Variants in KCND2 observed in about 807,000 individuals in gnomAD.
KCND2 encodes the protein potassium voltage-gated channel subfamily D member 2, also known as A-type voltage-gated potassium channel KCND2.
A neutral mutation model predicts 54.4 loss-of-function variants in KCND2; 16 were observed. The observed-to-expected ratio is 0.29, with a 90% CI of 0.20 to 0.45. The LOEUF (loss-of-function observed/expected upper bound fraction) is 0.45, where lower values mean the gene tolerates loss of function less well. Ranked by LOEUF, KCND2 falls within the 20% of genes least tolerant of loss-of-function variation. The pLI, the probability that KCND2 is intolerant of heterozygous loss-of-function variation, is 1.00. For missense variants in KCND2, 486 were observed against 824.2 expected (o/e 0.59, Z 5.02); for synonymous variants, 317 against 310.7 (o/e 1.02, Z -0.21).
At chr7:120,705,514 C>CA (rs1308201484) in intron 1 of KCND2, among the ~76,000 whole-genome samples, 5 of 152,088 alleles carry the variant, frequency 3.3e-5, no homozygotes, top group Non-Finnish European at 7.4e-5. Context: ...TTCTCACTTG[C>CA]AAAATGTCGA....
At chr7:120,537,238 A>G (rs1791923446) in intron 1 of KCND2, among the ~76,000 whole-genome samples, 1 of 152,222 alleles carries the variant, frequency 6.6e-6, no homozygotes, top group African/African-American at 2.4e-5. Flanking sequence ...ACCATTGTCA[A>G]TAAGCAGTAA....
intron 1 of KCND2, among the ~76,000 whole-genome samples, chr7:120,477,007 T>C (rs1802543064): frequency 6.6e-6 from 1 of 152,190 alleles, no homozygotes; most frequent in South Asian, 2.1e-4. Flanking sequence ...AGTAGTTGGA[T>C]TGTTCTGCAA....
Position 120,750,104 on chromosome 7 carries a change from C to T in KCND2, c.*2246C>T, listed in dbSNP as rs886198632. 4 of 151,986 alleles carry T rather than the reference C, an allele frequency of 2.6e-5. No homozygotes were observed. Among genetic ancestry groups the T allele is most frequent in the Non-Finnish European group, 4.4e-5 (3 of 67,762 alleles). The allele number at this position is 151,986 out of a possible 1,614,324, so 9.4% of individuals were successfully genotyped here. ...TGTTTTAGGTGATTTAAAAATATAC[C>T]GTGTTGGTGGTGAATGACTATTGAT... On this transcript the variant is annotated 3_prime_UTR_variant, in exon 6 of 6. Coordinates refer to ENST00000331113, the MANE Select transcript of KCND2 (RefSeq NM_012281.3).
At chr7:120,330,862 C>T (rs1475721336) in intron 1 of KCND2, among the ~76,000 whole-genome samples, 1 of 151,920 alleles carries the variant, frequency 6.6e-6, no homozygotes, top group East Asian at 1.9e-4. Context: ...CTTTCAAGAC[C>T]TCAATAAGGA....
intron 1 of KCND2, among the ~76,000 whole-genome samples, chr7:120,428,725 T>C (rs991768840): frequency 1.3e-5 from 2 of 152,194 alleles, no homozygotes; most frequent in Non-Finnish European, 2.9e-5. Context: ...GCATAACATT[T>C]AGGTATTATT....
intron 1 of KCND2, among the ~76,000 whole-genome samples, chr7:120,629,976 G>A (rs1467858368): frequency 6.6e-6 from 1 of 152,172 alleles, no homozygotes; most frequent in African/African-American, 2.4e-5. Flanking sequence ...GGAGTTCAGG[G>A]AAGAAATTGA....
chr7:120,596,276 T>G (rs1016385314), intron 1 of KCND2, among the ~76,000 whole-genome samples: 2 of 152,198 alleles, frequency 1.3e-5, no homozygotes, highest in African/African-American at 4.8e-5. Context: ...GTTACTTATA[T>G]AGATAATTGT....
At chr7:120,585,191 T>A (rs934669322) in intron 1 of KCND2, among the ~76,000 whole-genome samples, 9 of 150,506 alleles carry the variant, frequency 6.0e-5, no homozygotes, top group Non-Finnish European at 8.9e-5. Context: ...TTTTTTTTTT[T>A]AAAGAAAATC....
chr7:120,555,149 C>T (rs1457628860), intron 1 of KCND2, among the ~76,000 whole-genome samples: 2 of 152,146 alleles, frequency 1.3e-5, no homozygotes, highest in Non-Finnish European at 2.9e-5. Context: ...CTCATATTCC[C>T]AGTGTCTGCT....
At chr7:120,355,390 T>C (rs1156327642) in intron 1 of KCND2, among the ~76,000 whole-genome samples, 1 of 152,022 alleles carries the variant, frequency 6.6e-6, no homozygotes, top group Non-Finnish European at 1.5e-5. Flanking sequence ...CTACTAAAAA[T>C]ACAAAAATTA....
At chr7:120,695,263 A>G (rs749401335) in intron 1 of KCND2, among the ~76,000 whole-genome samples, 12 of 151,264 alleles carry the variant, frequency 7.9e-5, no homozygotes, top group African/African-American at 1.2e-4. Flanking sequence ...GGCTTGTTTT[A>G]TATATGTATC....
At chr7:120,554,268 C>G (rs1792135490) in intron 1 of KCND2, among the ~76,000 whole-genome samples, 1 of 152,134 alleles carries the variant, frequency 6.6e-6, no homozygotes, top group African/African-American at 2.4e-5. Context: ...AGTTTCACAC[C>G]ATTTCAAGTA....
At chr7:120,347,144 T>C (rs1438334182) in intron 1 of KCND2, among the ~76,000 whole-genome samples, 2 of 152,166 alleles carry the variant, frequency 1.3e-5, no homozygotes, top group African/African-American at 4.8e-5. Context: ...GGGTTTAAGC[T>C]CAAAAAATGT....
intron 1 of KCND2, among the ~76,000 whole-genome samples, chr7:120,687,429 T>G (rs1056729261): frequency 1.3e-5 from 2 of 152,208 alleles, no homozygotes; most frequent in Non-Finnish European, 2.9e-5. Flanking sequence ...GTAAATGTTA[T>G]TAACACAATT....
chr7:120,527,647 A>AT (rs1455301161), intron 1 of KCND2, among the ~76,000 whole-genome samples: 3 of 151,960 alleles, frequency 2.0e-5, no homozygotes, highest in African/African-American at 4.8e-5. Flanking sequence ...ATATTTGTGT[A>AT]TTTTTTTCAC....
chr7:120,324,444 A>G (rs1456482524), intron 1 of KCND2, among the ~76,000 whole-genome samples: 2 of 146,352 alleles, frequency 1.4e-5, no homozygotes, highest in Non-Finnish European at 3.0e-5. Context: ...TCTAACGTTT[A>G]AGTCTTTAAT....
intron 1 of KCND2, among the ~76,000 whole-genome samples, chr7:120,655,178 A>T (rs1791786010): frequency 1.3e-5 from 2 of 152,232 alleles, no homozygotes; most frequent in East Asian, 1.9e-4. Context: ...GAATATTTTT[A>T]AAATTCTTTA....
chr7:120,743,270 C>T (rs1792964130), intron 4 of KCND2, among the ~76,000 whole-genome samples: 1 of 152,096 alleles, frequency 6.6e-6, no homozygotes, highest in Admixed American at 6.6e-5. Flanking sequence ...AAATCTTCAC[C>T]ATATTTGGAT....
At chr7:120,740,324 A>G (rs1792924908) in intron 2 of KCND2, among the ~76,000 whole-genome samples, 1 of 152,056 alleles carries the variant, frequency 6.6e-6, no homozygotes, top group African/African-American at 2.4e-5. Flanking sequence ...CATTTAAAAA[A>G]TCTAGATAAT....
Sources: gnomAD v4.1 joint callset for allele counts (sites outside exome capture counted in the v4.1 genomes callset) on GRCh38, gnomAD v4.1.1 for gene constraint, MANE v1.5 for transcripts, NCBI Gene and HGNC (gene_info 2026-07-23, HGNC 2026-07-21) for gene names.